The following FRYL variants were observed in gnomAD, a reference collection of about 807,000 sequenced individuals.
FRYL encodes the protein protein furry homolog-like.
In FRYL, 150 loss-of-function variants were observed where a neutral mutation model predicts 351.2. The ratio of observed to expected loss-of-function variants is 0.43; its 90% CI spans 0.37 to 0.49. The LOEUF is 0.49. Ranked by LOEUF, FRYL falls within the 20% of genes least tolerant of loss-of-function variation. The probability of loss-of-function intolerance (pLI) is 0.00; values close to 1 mark genes in which losing one functional copy is unlikely to be tolerated. For synonymous variants in FRYL, 1,153 were observed against 1,257.1 expected (o/e 0.92, Z 1.75); for missense variants, 3,036 against 3,619.3 (o/e 0.84, Z 4.13).
chr4:48,591,695 C>T (rs1407002792), intron 16 of FRYL, among the ~76,000 whole-genome samples: 3 of 152,038 alleles, frequency 2.0e-5, no homozygotes, highest in Non-Finnish European at 4.4e-5. Context: ...CCTGGGCTGC[C>T]TTCTCCTATC....
At chr4:48,578,390 C>A (rs897050103) in intron 23 of FRYL, among the ~76,000 whole-genome samples, 18 of 152,088 alleles carry the variant, frequency 1.2e-4, no homozygotes, top group Non-Finnish European at 2.5e-4. Context: ...AACCCAAACC[C>A]AGATTCAAAA....
intron 60 of FRYL, among the ~76,000 whole-genome samples, chr4:48,504,828 A>AT (rs1720552054): frequency 1.7e-4 from 1 of 5,928 alleles, no homozygotes; most frequent in South Asian, 0.028. Context: ...CAGAACTTCA[A>AT]TTTTTTACTA....
chr4:48,590,073 T>G (rs899206880), intron 17 of FRYL, among the ~76,000 whole-genome samples, 196 bp from the exon 18 acceptor site: 1 of 152,222 alleles, frequency 6.6e-6, no homozygotes, highest in African/African-American at 2.4e-5. Flanking sequence ...GTGAAAATTA[T>G]GCAGAGGACT....
At chr4:48,594,654 C>T (rs1007655353) in intron 15 of FRYL, among the ~76,000 whole-genome samples, 1 of 152,170 alleles carries the variant, frequency 6.6e-6, no homozygotes, top group African/African-American at 2.4e-5. Flanking sequence ...TAACAATGTA[C>T]TAATTCTATT....
chr4:48,771,069 T>C (rs1578986401), intron 1 of FRYL, among the ~76,000 whole-genome samples: 1 of 152,216 alleles, frequency 6.6e-6, no homozygotes, highest in East Asian at 1.9e-4. Flanking sequence ...TTCTCATCTA[T>C]AAAATGCAGA....
intron 3 of FRYL, among the ~76,000 whole-genome samples, chr4:48,649,046 G>GATTT (rs1757114477): frequency 6.6e-6 from 1 of 152,146 alleles, no homozygotes; most frequent in African/African-American, 2.4e-5. Context: ...GGTTACAAGA[G>GATTT]ATTTAATGTA....
chr4:48,656,129 ATAC>A (rs1758896309), intron 3 of FRYL, among the ~76,000 whole-genome samples: 1 of 135,734 alleles, frequency 7.4e-6, no homozygotes. Flanking sequence ...TAAATAATAT[ATAC>A]AATATATACA....
chr4:48,698,188 T>G (rs542039730), intron 2 of FRYL, among the ~76,000 whole-genome samples: 1 of 152,312 alleles, frequency 6.6e-6, no homozygotes, highest in African/African-American at 2.4e-5. Flanking sequence ...GTCATCAACC[T>G]GAGTGGAGAA....
intron 1 of FRYL, among the ~76,000 whole-genome samples, chr4:48,752,242 C>A (rs1333537435): frequency 6.6e-6 from 1 of 152,130 alleles, no homozygotes; most frequent in Non-Finnish European, 1.5e-5. Context: ...TTTATGTTGG[C>A]ATTAGTTTTC....
chr4:48,533,849 TCTTCAAA>T (rs1290692307), intron 49 of FRYL, among the ~76,000 whole-genome samples: 1 of 152,172 alleles, frequency 6.6e-6, no homozygotes, highest in Non-Finnish European at 1.5e-5. Context: ...AAATGCAAAC[TCTTCAAA>T]GAGGTTTTCT....
At chr4:48,526,992 GGTAA>G (rs1325003573) in intron 53 of FRYL, among the ~76,000 whole-genome samples, 1 of 152,142 alleles carries the variant, frequency 6.6e-6, no homozygotes, top group Non-Finnish European at 1.5e-5. Flanking sequence ...TCAATTTAGT[GGTAA>G]GTGTGTATAT....
intron 4 of FRYL, among the ~76,000 whole-genome samples, chr4:48,625,195 TC>T (rs1751528730): frequency 6.6e-6 from 1 of 152,180 alleles, no homozygotes; most frequent in South Asian, 2.1e-4. Flanking sequence ...CCCTATTGGT[TC>T]CATTTCTCTG....
intron 2 of FRYL, among the ~76,000 whole-genome samples, chr4:48,704,815 G>A (rs529933283): frequency 5.9e-5 from 9 of 152,270 alleles, no homozygotes; most frequent in African/African-American, 1.9e-4. Flanking sequence ...TGGGCATGGT[G>A]GCAGGCACCT....
intron 1 of FRYL, among the ~76,000 whole-genome samples, chr4:48,761,117 T>C (rs1482861279): frequency 6.6e-6 from 1 of 151,232 alleles, no homozygotes; most frequent in African/African-American, 2.4e-5. Flanking sequence ...CACTTTCTCC[T>C]TCTGTCTCCT....
intron 3 of FRYL, among the ~76,000 whole-genome samples, chr4:48,635,971 T>C (rs1384219064): frequency 6.6e-6 from 1 of 152,148 alleles, no homozygotes; most frequent in Non-Finnish European, 1.5e-5. Flanking sequence ...TTAAAAAAAC[T>C]TGCTCTACCA....
intron 2 of FRYL, among the ~76,000 whole-genome samples, chr4:48,700,036 C>T (rs769377772): frequency 2.0e-5 from 3 of 152,152 alleles, no homozygotes; most frequent in South Asian, 2.1e-4. Flanking sequence ...GTCCGACTGC[C>T]TATCGAGCAC....
intron 54 of FRYL, among the ~76,000 whole-genome samples, chr4:48,521,575 G>C (rs1222068422): frequency 6.6e-6 from 1 of 152,234 alleles, no homozygotes; most frequent in Non-Finnish European, 1.5e-5. Context: ...GGGCACTAGA[G>C]ACAGACTGCT....
intron 1 of FRYL, among the ~76,000 whole-genome samples, chr4:48,766,368 A>C (rs941535231): frequency 2.2e-4 from 33 of 152,306 alleles, no homozygotes; most frequent in Non-Finnish European, 1.2e-4. Context: ...ACAGCTGTCA[A>C]TAAAAGAGGT....
intron 1 of FRYL, among the ~76,000 whole-genome samples, chr4:48,761,407 C>A (rs1338641484): frequency 6.6e-6 from 1 of 152,122 alleles, no homozygotes; most frequent in Non-Finnish European, 1.5e-5. Flanking sequence ...GACACTGTAG[C>A]CACAGTAACG....
Sources: gnomAD v4.1 joint callset for allele counts (sites outside exome capture counted in the v4.1 genomes callset) on GRCh38, gnomAD v4.1.1 for gene constraint, MANE v1.5 for transcripts, NCBI Gene and HGNC (gene_info 2026-07-23, HGNC 2026-07-21) for gene names.